Variants in DLGAP4 observed in about 807,000 individuals in gnomAD.
The protein encoded by DLGAP4 is disks large-associated protein 4.
In DLGAP4, 18 loss-of-function variants were observed where a neutral mutation model predicts 86.9. The observed-to-expected ratio is 0.21, with a 90% CI of 0.14 to 0.31. The LOEUF is 0.31. Ranked by LOEUF, DLGAP4 falls within the 10% of genes least tolerant of loss-of-function variation. The pLI, the probability that DLGAP4 is intolerant of heterozygous loss-of-function variation, is 1.00. For synonymous variants in DLGAP4, 548 were observed against 574.3 expected, an observed-to-expected ratio of 0.95 and a Z score of 0.65; for missense variants, 1,085 against 1,362.6, an observed-to-expected ratio of 0.80 and a Z score of 3.21.
At chr20:36,525,799 G>C in intron 11 of DLGAP4, 52 bp from the exon 12 acceptor site, 1 of 1,601,342 alleles carries the variant, frequency 6.2e-7, no homozygotes, top group South Asian at 1.1e-5. Context: ...GTTGGGGGGA[G>C]CAGGACAAGC....
chr20:36,519,200 G>A (rs547124528), intron 10 of DLGAP4, among the ~76,000 whole-genome samples: 139 of 151,936 alleles, frequency 9.1e-4, no homozygotes, highest in Non-Finnish European at 1.8e-3. Flanking sequence ...GATTGCGCAC[G>A]CACAGAAGGT....
chr20:36,489,086 A>C (rs1245291527), intron 7 of DLGAP4, among the ~76,000 whole-genome samples: 1 of 152,204 alleles, frequency 6.6e-6, no homozygotes. Flanking sequence ...AAATGGGAAA[A>C]GTATAGCACT....
At chr20:36,390,645 G>C (rs1268695316) in intron 2 of DLGAP4, among the ~76,000 whole-genome samples, 1 of 152,122 alleles carries the variant, frequency 6.6e-6, no homozygotes, top group Admixed American at 6.5e-5. Flanking sequence ...CCAGGAGAGA[G>C]CAGGGTCCTG....
At chr20:36,526,187 G>A (rs1004341260) in intron 12 of DLGAP4, 181 bp downstream of exon 12, 28 of 841,260 alleles carry the variant, frequency 3.3e-5, no homozygotes, top group African/African-American at 1.3e-4. Context: ...CGCTTGCTCC[G>A]TGTAGTTGAG....
Position 36,525,895 on chromosome 20 carries a change from G to A in DLGAP4, c.2649G>A (p.Gly883=). The A allele has an allele frequency of 6.2e-7, 1 of 1,613,830 alleles. No individual in the cohort carries two copies. Among genetic ancestry groups the A allele is most frequent in the East Asian group, 2.2e-5 (1 of 44,836 alleles). Residue 883 remains glycine, a synonymous_variant, in exon 12 of 13, where the codon GGG becomes GGA. Coordinates refer to ENST00000339266, the MANE Select transcript of DLGAP4 (RefSeq NM_001365621.2). The part of the protein sequence containing the change: ...NPRPTAQDLA[G]FWDLLQLSIE... Reference sequence around the variant, plus strand: ...GCCCCACAGCCCAGGACCTGGCAGGGTTCTGGGACCTGCTACAGCTGTCCA... The same window carrying A: ...GCCCCACAGCCCAGGACCTGGCAGGATTCTGGGACCTGCTACAGCTGTCCA...
At chr20:36,383,997 AAAAG>A (rs1477778773) in intron 2 of DLGAP4, among the ~76,000 whole-genome samples, 1 of 151,926 alleles carries the variant, frequency 6.6e-6, no homozygotes, top group Non-Finnish European at 1.5e-5. Flanking sequence ...AAAAAAAAAA[AAAAG>A]AAAGAAAAAG....
At chr20:36,474,829 T>C (rs1183868561) in intron 7 of DLGAP4, among the ~76,000 whole-genome samples, 6 of 152,188 alleles carry the variant, frequency 3.9e-5, no homozygotes, top group African/African-American at 1.4e-4. Context: ...AGCCATTCAT[T>C]TACTTGAGTG....
chr20:36,396,294 C>A (rs2031946110), intron 2 of DLGAP4, among the ~76,000 whole-genome samples: 1 of 150,318 alleles, frequency 6.7e-6, no homozygotes, highest in African/African-American at 2.5e-5. Flanking sequence ...AGAGGATGAT[C>A]ATCCCAAACC....
intron 7 of DLGAP4, among the ~76,000 whole-genome samples, chr20:36,466,079 C>G (rs909890890): frequency 1.3e-5 from 2 of 152,156 alleles, no homozygotes; most frequent in Admixed American, 6.5e-5. Flanking sequence ...AAAGCTCCAT[C>G]CCTAGACACT....
chr20:36,459,551 T>A (rs1233760396), intron 7 of DLGAP4, among the ~76,000 whole-genome samples: 1 of 152,172 alleles, frequency 6.6e-6, no homozygotes, highest in Non-Finnish European at 1.5e-5. Context: ...GCTAATTTTT[T>A]AATTTTTGTG....
chr20:36,429,481 T>C (rs577412239), intron 2 of DLGAP4, among the ~76,000 whole-genome samples: 4 of 145,502 alleles, frequency 2.7e-5, no homozygotes, highest in African/African-American at 7.6e-5. Context: ...CTCAGCTCAC[T>C]GCGAACTCTG....
At chr20:36,368,132 C>T (rs1320559348) in intron 2 of DLGAP4, among the ~76,000 whole-genome samples, 1 of 152,210 alleles carries the variant, frequency 6.6e-6, no homozygotes, top group Non-Finnish European at 1.5e-5. Context: ...CAGTAAATAG[C>T]TGTGGAAGGA....
In DLGAP4 at chr20:36,447,409, C is replaced by T. The variant is rs28515558; in HGVS notation, c.1648+472C>T. Among the ~76,000 whole-genome samples the T allele has an allele frequency of 7.1e-3, 1,079 of 152,236 alleles. 11 individuals carry two copies. Among genetic ancestry groups the T allele is most frequent in the African/African-American group, 0.025 (1,027 of 41,532 alleles). On this transcript the variant is annotated intron_variant, in intron 7 of 12. Coordinates refer to ENST00000339266, the MANE Select transcript of DLGAP4 (RefSeq NM_001365621.2). ...TCTCATATACACAATCAGGGAATAC[C>T]TTCTGGATTCTTGGGTGTTTTGTTG...
chr20:36,508,199 G>A (rs374155393), intron 10 of DLGAP4: 1 of 152,244 alleles, frequency 6.6e-6, no homozygotes, highest in African/African-American at 2.4e-5. Context: ...AAGAGGAGGA[G>A]GGACAGGAGA....
chr20:36,488,181 CAG>C (rs1055310697), intron 7 of DLGAP4, among the ~76,000 whole-genome samples: 7 of 143,080 alleles, frequency 4.9e-5, no homozygotes, highest in African/African-American at 1.8e-4. Flanking sequence ...GCCTGGGCAA[CAG>C]AGTGAGACTC....
At chr20:36,454,286 G>A (rs968843495) in intron 7 of DLGAP4, among the ~76,000 whole-genome samples, 2 of 151,598 alleles carry the variant, frequency 1.3e-5, no homozygotes, top group Admixed American at 1.3e-4. Context: ...AGAAAGAAAG[G>A]GCACTCCTTA....
intron 2 of DLGAP4, among the ~76,000 whole-genome samples, chr20:36,402,690 G>A (rs1212593557): frequency 6.6e-6 from 1 of 152,114 alleles, no homozygotes; most frequent in Non-Finnish European, 1.5e-5. Flanking sequence ...CCAAGCTGTA[G>A]TGGCTATGAT....
At chr20:36,465,646 AC>A (rs2034316922) in intron 7 of DLGAP4, among the ~76,000 whole-genome samples, 1 of 152,094 alleles carries the variant, frequency 6.6e-6, no homozygotes. Context: ...GGACTGAGTC[AC>A]CACCTCCCGT....
At chr20:36,396,382 T>C (rs1232468637) in intron 2 of DLGAP4, among the ~76,000 whole-genome samples, 111 of 5,202 alleles carry the variant, frequency 0.021, no homozygotes, top group Admixed American at 0.024. Context: ...ACACCCCACA[T>C]ACACACATGC....
Sources: gnomAD v4.1 joint callset for allele counts (sites outside exome capture counted in the v4.1 genomes callset) on GRCh38, gnomAD v4.1.1 for gene constraint, MANE v1.5 for transcripts, NCBI Gene and HGNC (gene_info 2026-07-23, HGNC 2026-07-21) for gene names.